Variants in ALPK1 observed in about 807,000 individuals in gnomAD.
The protein encoded by ALPK1 is alpha-protein kinase 1.
A neutral mutation model predicts 120.6 loss-of-function variants in ALPK1; 110 were observed. The observed-to-expected ratio is 0.91, with a 90% confidence interval of 0.78 to 1.07. ALPK1 has a LOEUF of 1.07. ALPK1 is among the 50% of genes least tolerant of loss of function. The probability of loss-of-function intolerance (pLI) is 0.00; values close to 1 mark genes in which losing one functional copy is unlikely to be tolerated. For missense variants in ALPK1, 1,498 were observed against 1,483.9 expected (o/e 1.01, Z -0.16); for synonymous variants, 582 against 560.3 (o/e 1.04, Z -0.55).
Position 112,304,909 on chromosome 4 carries a change from C to T in ALPK1, c.-153+7440C>T, listed in dbSNP as rs1180326278. 2.0e-5 allele frequency among the ~76,000 whole-genome samples: 3 copies of T among 152,050 alleles called. 1 individual carries two copies. Among genetic ancestry groups the T allele is most frequent in the African/African-American group, 7.3e-5 (3 of 41,338 alleles). On this transcript the variant is annotated intron_variant, in intron 1 of 15. Transcript: ENST00000650871. ...TCTAACGTTTAAGTCTTTAATCCAT[C>T]TTGAATTAATTTTTGTGTAAGGTGT...
chr4:112,355,722 G>C (rs543810763), intron 2 of ALPK1, among the ~76,000 whole-genome samples: 1 of 152,246 alleles, frequency 6.6e-6, no homozygotes, highest in African/African-American at 2.4e-5. Context: ...GGGCTGCATA[G>C]ACCTCTAGGG....
chr4:112,387,715 T>G (rs895138236), intron 4 of ALPK1, among the ~76,000 whole-genome samples: 4 of 152,194 alleles, frequency 2.6e-5, no homozygotes, highest in Admixed American at 1.3e-4. Context: ...AGTTGTTTCT[T>G]TATGCTATTT....
chr4:112,307,010 C>A (rs1045846698), intron 1 of ALPK1, among the ~76,000 whole-genome samples: 1 of 151,970 alleles, frequency 6.6e-6, no homozygotes, highest in African/African-American at 2.4e-5. Context: ...CATTATGTAC[C>A]CAGTAGTCAT....
chr4:112,435,414 T>A (rs1463745043), intron 12 of ALPK1, 113 bp downstream of exon 12: 8 of 921,656 alleles, frequency 8.7e-6, no homozygotes, highest in East Asian at 2.5e-5. Flanking sequence ...CAAAATATAT[T>A]TCCAGATTTC....
At chr4:112,356,244 T>C in intron 2 of ALPK1, 1 of 1,487,928 alleles carries the variant, frequency 6.7e-7, no homozygotes, top group Non-Finnish European at 9.4e-7. Context: ...ATGAATGGCA[T>C]CCTGGAGAGC....
At chr4:112,440,765 A>G (rs1040985252) in intron 14 of ALPK1, 152 bp from the exon 15 acceptor site, 4 of 1,288,228 alleles carry the variant, frequency 3.1e-6, no homozygotes, top group African/African-American at 1.5e-5. Context: ...CCAGGAATTT[A>G]CTAACTATAA....
chr4:112,364,051 C>T (rs1048880831), intron 2 of ALPK1, among the ~76,000 whole-genome samples: 45 of 151,982 alleles, frequency 3.0e-4, no homozygotes, highest in African/African-American at 9.2e-4. Flanking sequence ...CTCTGGGATA[C>T]GGAAAAGGCG....
At chr4:112,432,672 A>C in intron 11 of ALPK1, 91 bp downstream of exon 11, 430 of 1,244,162 alleles carry the variant, frequency 3.5e-4, no homozygotes, top group Non-Finnish European at 4.3e-4. Flanking sequence ...CTTAAAGCTC[A>C]TGAAAGGTAT....
intron 2 of ALPK1, among the ~76,000 whole-genome samples, chr4:112,349,907 A>T (rs963247252): frequency 1.4e-4 from 21 of 152,172 alleles, no homozygotes; most frequent in African/African-American, 5.1e-4. Context: ...AGAAATTCTC[A>T]AGTATCTAAG....
chr4:112,307,662 C>T (rs1385661145), intron 1 of ALPK1, among the ~76,000 whole-genome samples: 1 of 152,078 alleles, frequency 6.6e-6, no homozygotes, highest in Non-Finnish European at 1.5e-5. Flanking sequence ...AGATGGGTCT[C>T]CTGAATACAG....
At chr4:112,322,331 G>T (rs1374165093) in intron 2 of ALPK1, among the ~76,000 whole-genome samples, 1 of 152,116 alleles carries the variant, frequency 6.6e-6, no homozygotes. Flanking sequence ...TGTAGGCAGA[G>T]AATTTAATAC....
chr4:112,371,184 C>T (rs1019909455), intron 2 of ALPK1, among the ~76,000 whole-genome samples: 1 of 152,186 alleles, frequency 6.6e-6, no homozygotes, highest in African/African-American at 2.4e-5. Context: ...ATACTTTCCA[C>T]GTGAATTTTT....
At chr4:112,359,157 C>A in intron 2 of ALPK1, 1 of 655,442 alleles carries the variant, frequency 1.5e-6, no homozygotes, top group South Asian at 1.6e-5. Context: ...GCACCTCAAC[C>A]AGGGCAGGCC....
intron 2 of ALPK1, among the ~76,000 whole-genome samples, chr4:112,374,141 T>G (rs1034037186): frequency 3.3e-5 from 5 of 152,240 alleles, no homozygotes; most frequent in African/African-American, 1.2e-4. Flanking sequence ...CTTTCAAAAT[T>G]GCAGTCGGTC....
chr4:112,403,865 G>A (rs1197171862), intron 4 of ALPK1, among the ~76,000 whole-genome samples: 1 of 152,198 alleles, frequency 6.6e-6, no homozygotes, highest in African/African-American at 2.4e-5. Flanking sequence ...AGAGTAGAAG[G>A]GGGAAAAATA....
At chr4:112,333,935 T>G (rs190175736) in intron 2 of ALPK1, among the ~76,000 whole-genome samples, 79 of 145,268 alleles carry the variant, frequency 5.4e-4, no homozygotes, top group South Asian at 8.4e-4. Flanking sequence ...GTTTTTTGTG[T>G]TTTTTTTTGG....
intron 9 of ALPK1, among the ~76,000 whole-genome samples, chr4:112,428,632 GT>G (rs1734345094): frequency 6.6e-6 from 1 of 152,118 alleles, no homozygotes; most frequent in Admixed American, 6.5e-5. Flanking sequence ...CAGAACACTT[GT>G]CATAATCTCA....
At chr4:112,437,332 A>G (rs1479215708) in intron 12 of ALPK1, among the ~76,000 whole-genome samples, 2 of 152,200 alleles carry the variant, frequency 1.3e-5, no homozygotes, top group African/African-American at 4.8e-5. Flanking sequence ...GCAGTTTACC[A>G]TGAACAAATC....
intron 1 of ALPK1, among the ~76,000 whole-genome samples, chr4:112,298,841 T>C (rs1242287141): frequency 6.6e-6 from 1 of 152,172 alleles, no homozygotes; most frequent in Non-Finnish European, 1.5e-5. Context: ...CATTTCAAGA[T>C]ATTTCTGAAA....
Sources: gnomAD v4.1 joint callset for allele counts (sites outside exome capture counted in the v4.1 genomes callset) on GRCh38, gnomAD v4.1.1 for gene constraint, MANE v1.5 for transcripts, NCBI Gene and HGNC (gene_info 2026-07-23, HGNC 2026-07-21) for gene names.